Variants in ANKS1B observed in about 807,000 individuals in gnomAD.
ANKS1B encodes the protein ankyrin repeat and sterile alpha motif domain-containing protein 1B.
Under a neutral mutation model 148.3 loss-of-function variants are expected in ANKS1B, and 36 were observed. The ratio of observed to expected loss-of-function variants is 0.24; its 90% confidence interval spans 0.19 to 0.32. The LOEUF (loss-of-function observed/expected upper bound fraction) is 0.32. Among genes scored for constraint, ANKS1B ranks in the 10% least tolerant of loss-of-function variants. The pLI is 1.00. For synonymous variants in ANKS1B, 542 were observed against 560.8 expected (o/e 0.97, Z 0.47); for missense variants, 1,157 against 1,542.6 (o/e 0.75, Z 4.19).
chr12:99,817,506 C>CT (rs59187527), intron 2 of ANKS1B, among the ~76,000 whole-genome samples: 106 of 148,628 alleles, frequency 7.1e-4, no homozygotes, highest in East Asian at 6.1e-3. Context: ...CCCTGATTTC[C>CT]TTTTTTTTTT....
intron 9 of ANKS1B, among the ~76,000 whole-genome samples, chr12:99,551,207 C>T (rs1475513179): frequency 1.3e-5 from 2 of 152,064 alleles, no homozygotes; most frequent in African/African-American, 2.4e-5. Flanking sequence ...TATTTCTCAC[C>T]GTTTCTACTC....
intron 17 of ANKS1B, among the ~76,000 whole-genome samples, chr12:98,861,122 T>A (rs529267392): frequency 6.6e-6 from 1 of 152,328 alleles, no homozygotes; most frequent in South Asian, 2.1e-4. Context: ...CAAACTTCCA[T>A]ACAAGAGTCT....
chr12:99,788,738 C>T (rs2065278635), intron 4 of ANKS1B, among the ~76,000 whole-genome samples: 1 of 151,984 alleles, frequency 6.6e-6, no homozygotes, highest in African/African-American at 2.4e-5. Context: ...GCCTACTGCC[C>T]TATAGGGTGA....
In ANKS1B at chr12:99,766,290, T is replaced by C. The variant is rs557109692; in HGVS notation, c.1128+6632A>G. 5.3e-5 allele frequency among the ~76,000 whole-genome samples: 8 copies of C among 152,188 alleles called. No individual in the cohort carries two copies. In the South Asian group the frequency reaches 1.7e-3, roughly 32 times the overall value. On this transcript the variant is annotated intron_variant, in intron 8 of 26. Coordinates refer to ENST00000683438, the MANE Select transcript of ANKS1B (RefSeq NM_001352186.2). ...TACTGTCAAAGGGGTATATAAGAAG[T>C]AATGCAAAACATATACACCTACAAG...
intron 15 of ANKS1B, among the ~76,000 whole-genome samples, chr12:99,094,197 A>C (rs2055094653): frequency 6.6e-6 from 1 of 152,258 alleles, no homozygotes; most frequent in Admixed American, 6.5e-5. Context: ...CTCTACCTTT[A>C]GAATTTACAG....
At chr12:99,690,911 A>C (rs2098675770) in intron 8 of ANKS1B, among the ~76,000 whole-genome samples, 1 of 152,212 alleles carries the variant, frequency 6.6e-6, no homozygotes, top group African/African-American at 2.4e-5. Context: ...GACCTAGCAG[A>C]GGGTCTTCAT....
At chr12:98,999,128 A>G (rs777726542) in intron 17 of ANKS1B, among the ~76,000 whole-genome samples, 3 of 152,256 alleles carry the variant, frequency 2.0e-5, no homozygotes, top group African/African-American at 4.8e-5. Flanking sequence ...AGGCAGAGTT[A>G]AACATTTGGC....
At chr12:99,178,254 G>A (rs947969323) in intron 14 of ANKS1B, among the ~76,000 whole-genome samples, 4 of 152,122 alleles carry the variant, frequency 2.6e-5, no homozygotes, top group African/African-American at 9.7e-5. Context: ...TTAAAATCAT[G>A]ATTATCCATA....
intron 17 of ANKS1B, among the ~76,000 whole-genome samples, chr12:98,978,409 T>G (rs1273509755): frequency 6.6e-6 from 1 of 152,184 alleles, no homozygotes; most frequent in Non-Finnish European, 1.5e-5. Flanking sequence ...CCCCACAGAT[T>G]CCAGTCTTAC....
At chr12:99,924,027 T>C (rs765559023) in intron 1 of ANKS1B, among the ~76,000 whole-genome samples, 57 of 152,294 alleles carry the variant, frequency 3.7e-4, no homozygotes, top group Non-Finnish European at 6.8e-4. Flanking sequence ...TTTAATACTT[T>C]GGCACACTCT....
At chr12:99,505,973 A>G (rs941505082) in intron 9 of ANKS1B, among the ~76,000 whole-genome samples, 13 of 152,052 alleles carry the variant, frequency 8.5e-5, no homozygotes, top group Non-Finnish European at 2.9e-5. Flanking sequence ...TACATTGTAG[A>G]ATATTAGTTA....
chr12:98,793,540 G>A (rs1358615336), intron 22 of ANKS1B, among the ~76,000 whole-genome samples: 1 of 152,150 alleles, frequency 6.6e-6, no homozygotes, highest in East Asian at 1.9e-4. Flanking sequence ...CAACAGCAAA[G>A]GAGACATCTT....
chr12:99,777,111 T>A (rs549893339), intron 6 of ANKS1B, among the ~76,000 whole-genome samples: 1 of 152,390 alleles, frequency 6.6e-6, no homozygotes, highest in African/African-American at 2.4e-5. Context: ...AGTGGCTAGT[T>A]TGTAGCCTCT....
chr12:99,530,578 A>G (rs1370797327), intron 9 of ANKS1B, among the ~76,000 whole-genome samples: 4 of 152,224 alleles, frequency 2.6e-5, no homozygotes, highest in Admixed American at 1.3e-4. Flanking sequence ...AAAAATCAGC[A>G]AAAAGCAAAA....
At chr12:99,867,373 T>C (rs1236956441) in intron 1 of ANKS1B, among the ~76,000 whole-genome samples, 2 of 152,150 alleles carry the variant, frequency 1.3e-5, no homozygotes, top group Non-Finnish European at 2.9e-5. Context: ...ACACCAATTA[T>C]ATCAGTCTAT....
chr12:99,617,386 C>A (rs2097980190), intron 9 of ANKS1B, among the ~76,000 whole-genome samples: 3 of 152,086 alleles, frequency 2.0e-5, no homozygotes, highest in Non-Finnish European at 4.4e-5. Context: ...TTGGAACCAA[C>A]CCAAATGCCC....
At chr12:99,051,371 T>C (rs1414338176) in intron 17 of ANKS1B, among the ~76,000 whole-genome samples, 2 of 152,256 alleles carry the variant, frequency 1.3e-5, no homozygotes, top group Non-Finnish European at 2.9e-5. Flanking sequence ...TGCTACCTAT[T>C]GTAAGTATTA....
chr12:99,983,814 T>C (rs1413627024), intron 1 of ANKS1B, among the ~76,000 whole-genome samples: 4 of 151,980 alleles, frequency 2.6e-5, no homozygotes, highest in Admixed American at 2.0e-4. Flanking sequence ...GGAACGTCGA[T>C]TTTCTTCAAG....
chr12:98,878,878 A>T (rs2099699043), intron 17 of ANKS1B, among the ~76,000 whole-genome samples: 1 of 152,236 alleles, frequency 6.6e-6, no homozygotes, highest in South Asian at 2.1e-4. Context: ...AGCGGGTTTC[A>T]AAACCTATGT....
Sources: gnomAD v4.1 joint callset for allele counts (sites outside exome capture counted in the v4.1 genomes callset) on GRCh38, gnomAD v4.1.1 for gene constraint, MANE v1.5 for transcripts, NCBI Gene and HGNC (gene_info 2026-07-23, HGNC 2026-07-21) for gene names.